KPNA5: variants seen among roughly 807,000 people sequenced by gnomAD.
KPNA5 encodes the protein karyopherin subunit alpha 5.
In KPNA5, 46 loss-of-function variants were observed where a neutral mutation model predicts 71.3. That is an observed-to-expected ratio of 0.65 (90% CI 0.51 to 0.83). KPNA5 has a LOEUF of 0.83. Ranked by LOEUF, KPNA5 falls within the 40% of genes least tolerant of loss-of-function variation. The pLI is 0.00. For missense variants in KPNA5, 547 were observed against 628.3 expected, an observed-to-expected ratio of 0.87 and a Z score of 1.38; for synonymous variants, 207 against 201.4, an observed-to-expected ratio of 1.03 and a Z score of -0.24.
At position 116,737,663 on chromosome 6, in the gene KPNA5, G is replaced by C. The variant is rs925112398; in HGVS notation, c.*5340G>C. ...CCTCATTATCTGATGTCTAATGTCT[G>C]GAAACTGTTGTTTCATGTTTTTGTC... On this transcript the variant is annotated 3_prime_UTR_variant, in exon 14 of 14. Transcript: ENST00000368564. 6.6e-6 allele frequency: 1 copy of C among 151,834 alleles called. No individual in the cohort carries two copies. The highest frequency in any genetic ancestry group is 1.5e-5 in the Non-Finnish European group (1 of 67,920). The allele number at this position is 151,834 out of a possible 1,614,324, so 9.4% of individuals were successfully genotyped here. A position where few individuals can be genotyped will look rare whatever the true frequency, so the allele number is the denominator to read the frequency against.
At chr6:116,731,381 G>A (rs927202996) in intron 13 of KPNA5, among the ~76,000 whole-genome samples, 10 of 152,102 alleles carry the variant, frequency 6.6e-5, no homozygotes, top group Admixed American at 3.3e-4. Context: ...TTTTGACCCC[G>A]AGTCAGACTA....
At chr6:116,708,918 T>C (rs1277155829) in intron 7 of KPNA5, among the ~76,000 whole-genome samples, 2 of 152,270 alleles carry the variant, frequency 1.3e-5, no homozygotes, top group East Asian at 3.9e-4. Flanking sequence ...CCCAAGTAGC[T>C]GGGATTACAG....
intron 5 of KPNA5, among the ~76,000 whole-genome samples, chr6:116,699,101 T>C (rs888069231): frequency 3.9e-5 from 6 of 152,122 alleles, no homozygotes; most frequent in Non-Finnish European, 5.9e-5. Context: ...GACTAAAATA[T>C]TGTTAAATTT....
intron 7 of KPNA5, among the ~76,000 whole-genome samples, chr6:116,712,997 T>G (rs1206547763): frequency 6.6e-6 from 1 of 152,214 alleles, no homozygotes; most frequent in Admixed American, 6.5e-5. Context: ...TAAGTTGTTA[T>G]TGCCACAAAT....
At chr6:116,681,942 A>T (rs1777375271) in intron 1 of KPNA5, among the ~76,000 whole-genome samples, 1 of 152,106 alleles carries the variant, frequency 6.6e-6, no homozygotes, top group Admixed American at 6.5e-5. Flanking sequence ...AGTATTTGAA[A>T]GCTGTGAAAT....
Position 116,698,747 on chromosome 6 carries a change from T to C in KPNA5, c.384T>C (p.Val128=), listed in dbSNP as rs1174851383. ...ATCAAGTTATACAGAAACCAGGAGT[T>C]GTACAGAGATTTGTGAAATTTCTTG... ...PIDQVIQKPG[V]VQRFVKFLER... Residue 128 remains valine (V), a synonymous_variant, in exon 5 of 14, where the codon GTT becomes GTC. Transcript: ENST00000368564. 6.2e-7 allele frequency: 1 copy of C among 1,601,822 alleles called. No individual in the cohort carries two copies. The highest frequency in any genetic ancestry group is 1.1e-5 in the South Asian group (1 of 88,806).
intron 9 of KPNA5, among the ~76,000 whole-genome samples, chr6:116,723,969 T>C (rs1459621312): frequency 2.0e-5 from 3 of 152,154 alleles, no homozygotes; most frequent in South Asian, 2.1e-4. Context: ...TTATAGCACT[T>C]ACGATATCCC....
intron 7 of KPNA5, among the ~76,000 whole-genome samples, chr6:116,707,046 C>G (rs1023014701): frequency 1.3e-5 from 2 of 151,926 alleles, no homozygotes; most frequent in South Asian, 4.1e-4. Flanking sequence ...CGCCTGTAGT[C>G]CCAGCTACTC....
chr6:116,684,173 A>G (rs1233759635), intron 1 of KPNA5, among the ~76,000 whole-genome samples: 3 of 151,968 alleles, frequency 2.0e-5, no homozygotes, highest in Non-Finnish European at 4.4e-5. Flanking sequence ...TTGGCCTTCT[A>G]AAGTGCTAGG....
rs1360956259 is a variant in KPNA5, at chr6:116,733,420, A to G, written c.*1097A>G. On this transcript the variant is annotated 3_prime_UTR_variant, in exon 14 of 14. Coordinates refer to ENST00000368564, the MANE Select transcript of KPNA5 (RefSeq NM_001366306.2). The stretch of plus-strand genomic sequence containing the variant: ...TGCTAAAGGTTCTTTAATATGGTTC[A>G]AATCTATAAGACTTTTTTCTTTTAG... 6.6e-6 allele frequency: 1 copy of G among 151,700 alleles called. No homozygotes were observed. Among genetic ancestry groups the G allele is most frequent in the Non-Finnish European group, 1.5e-5 (1 of 67,704 alleles). The allele number at this position is 151,700 out of a possible 1,614,324, so 9.4% of individuals were successfully genotyped here.
intron 12 of KPNA5, among the ~76,000 whole-genome samples, chr6:116,727,370 AAAAG>A (rs1292495369): frequency 6.6e-6 from 1 of 152,074 alleles, no homozygotes; most frequent in Non-Finnish European, 1.5e-5. Flanking sequence ...AAAATATTAA[AAAAG>A]AAAAAGACAG....
chr6:116,692,087 A>G lies in KPNA5; in HGVS notation c.171A>G (p.Arg57=). Residue 57 remains arginine, a synonymous_variant, in exon 3 of 14, where the codon AGA becomes AGG. Coordinates refer to ENST00000368564, the MANE Select transcript of KPNA5 (RefSeq NM_001366306.2). ...LFKRRNVYLP[R]NDESMLESPI... ...AACGCAGAAATGTCTATTTGCCCAG[A>G]AATGATGAATCTATGCTTGAAAGTC... 6.2e-7 allele frequency: 1 copy of G among 1,612,764 alleles called. No homozygotes were observed. The highest frequency in any genetic ancestry group is 8.5e-7 in the Non-Finnish European group (1 of 1,178,996).
chr6:116,712,957 T>C (rs183530853), intron 7 of KPNA5, among the ~76,000 whole-genome samples: 2 of 152,348 alleles, frequency 1.3e-5, no homozygotes, highest in East Asian at 3.9e-4. Context: ...ACAAAAACAC[T>C]ACTCCTATAC....
In KPNA5 at chr6:116,719,415, C is replaced by T. The variant is rs562908913; in HGVS notation, c.757-2711C>T. 5.3e-5 allele frequency among the ~76,000 whole-genome samples: 8 copies of T among 152,232 alleles called. 1 individual carries two copies. In the Middle Eastern group the frequency reaches 0.014, roughly 259 times the overall value. ...ATTGTAGGATAATTGGGCAGCAAAA[C>T]CATATTTTCTTAGAGGAACACTAAA... On this transcript the variant is annotated intron_variant, in intron 8 of 13. Coordinates refer to ENST00000368564, the MANE Select transcript of KPNA5 (RefSeq NM_001366306.2).
chr6:116,712,392 G>A (rs1007024280), intron 7 of KPNA5, among the ~76,000 whole-genome samples: 5 of 151,992 alleles, frequency 3.3e-5, no homozygotes, highest in South Asian at 2.1e-4. Flanking sequence ...ATCGCTTCTC[G>A]GCCTTTTGGC....
At chr6:116,692,601 T>C (rs887305039) in intron 4 of KPNA5, among the ~76,000 whole-genome samples, 3 of 152,146 alleles carry the variant, frequency 2.0e-5, no homozygotes, top group Non-Finnish European at 4.4e-5. Context: ...CGTAAAAATA[T>C]AAAAGCAGTT....
At chr6:116,732,038 A>G (rs1367964080) in intron 13 of KPNA5, 98 bp from the exon 14 acceptor site, 3 of 231,920 alleles carry the variant, frequency 1.3e-5, no homozygotes, top group Admixed American at 6.0e-5. Context: ...TATTATTTTG[A>G]TTTAAACATA....
chr6:116,738,380 T>G lies in KPNA5; in HGVS notation c.*6057T>G, dbSNP rs1779745167. The G allele has an allele frequency of 6.6e-6, 1 of 151,322 alleles. No individual in the cohort carries two copies. The highest frequency in any genetic ancestry group is 2.4e-5 in the African/African-American group (1 of 41,122). The allele number at this position is 151,322 out of a possible 1,614,324, so 9.4% of individuals were successfully genotyped here. ...ATCAATAGCTTACCAACAAAAAGAG[T>G]CCAGGACCAGATGGATTCACAGCTG... is the stretch of plus-strand genomic sequence containing the variant. On this transcript the variant is annotated 3_prime_UTR_variant, in exon 14 of 14. Coordinates refer to ENST00000368564, the MANE Select transcript of KPNA5 (RefSeq NM_001366306.2).
chr6:116,713,754 A>C (rs1357048559), intron 7 of KPNA5, among the ~76,000 whole-genome samples: 4 of 152,052 alleles, frequency 2.6e-5, no homozygotes, highest in African/African-American at 9.7e-5. Context: ...CAGTTTGAAT[A>C]ATTTCAATTA....
Sources: allele counts gnomAD v4.1 joint callset (sites outside exome capture counted in the v4.1 genomes callset), GRCh38; gene constraint gnomAD v4.1.1; transcripts MANE v1.5; gene names NCBI Gene and HGNC (gene_info 2026-07-23, HGNC 2026-07-21).